The following MARCHF3 variants were observed in gnomAD, a reference collection of about 807,000 sequenced individuals.
MARCHF3 encodes membrane associated ring-CH-type finger 3, also known as E3 ubiquitin-protein ligase MARCHF3.
In MARCHF3, 13 loss-of-function variants were observed where a neutral mutation model predicts 24.2. The observed-to-expected ratio is 0.54, with a 90% CI of 0.35 to 0.85. The LOEUF is 0.85. Ranked by LOEUF, MARCHF3 falls within the 40% of genes least tolerant of loss-of-function variation. MARCHF3 has a pLI of 0.01. For synonymous variants in MARCHF3, 144 were observed against 137.3 expected (o/e 1.05, Z -0.34); for missense variants, 276 against 325.0 (o/e 0.85, Z 1.16).
chr5:126,889,706 C>T (rs554509207), intron 3 of MARCHF3, among the ~76,000 whole-genome samples: 79 of 152,268 alleles, frequency 5.2e-4, no homozygotes, highest in African/African-American at 1.7e-3. Flanking sequence ...CACATATTTA[C>T]GAGGGCCTGG....
chr5:126,920,945 G>A (rs1311204098), intron 1 of MARCHF3, among the ~76,000 whole-genome samples: 1 of 151,808 alleles, frequency 6.6e-6, no homozygotes, highest in Non-Finnish European at 1.5e-5. Flanking sequence ...AGTGGGTGCT[G>A]GGCACTGAGT....
chr5:127,000,960 C>T (rs528887785), intron 1 of MARCHF3, among the ~76,000 whole-genome samples: 1 of 152,248 alleles, frequency 6.6e-6, no homozygotes, highest in Non-Finnish European at 1.5e-5. Flanking sequence ...AATTCTAGGG[C>T]CAGGTGTGGT....
At chr5:126,896,400 G>A (rs781416392) in intron 3 of MARCHF3, among the ~76,000 whole-genome samples, 3 of 152,128 alleles carry the variant, frequency 2.0e-5, no homozygotes, top group Non-Finnish European at 2.9e-5. Context: ...ATCAGGGACT[G>A]GCATTTATAG....
At chr5:126,999,049 A>G (rs1357643750) in intron 1 of MARCHF3, among the ~76,000 whole-genome samples, 1 of 152,242 alleles carries the variant, frequency 6.6e-6, no homozygotes, top group Non-Finnish European at 1.5e-5. Context: ...TACTTTACAC[A>G]TAATTGCTTT....
intron 1 of MARCHF3, among the ~76,000 whole-genome samples, chr5:126,953,278 T>TC (rs1750317411): frequency 6.6e-6 from 1 of 152,198 alleles, no homozygotes; most frequent in African/African-American, 2.4e-5. Flanking sequence ...AAGACATGCT[T>TC]CCTATTGCTT....
At chr5:126,882,660 C>G (rs1753382042) in intron 3 of MARCHF3, among the ~76,000 whole-genome samples, 1 of 152,166 alleles carries the variant, frequency 6.6e-6, no homozygotes, top group Non-Finnish European at 1.5e-5. Context: ...GTTTGTGTGT[C>G]TGTCTTCCCA....
intron 1 of MARCHF3, among the ~76,000 whole-genome samples, chr5:126,981,196 T>C (rs1407679105): frequency 6.6e-6 from 1 of 152,210 alleles, no homozygotes; most frequent in Non-Finnish European, 1.5e-5. Flanking sequence ...AATGAATGAC[T>C]GCTTCCTAGG....
chr5:126,911,959 A>G (rs538281057), intron 3 of MARCHF3, among the ~76,000 whole-genome samples: 5 of 152,338 alleles, frequency 3.3e-5, no homozygotes, highest in African/African-American at 1.2e-4. Context: ...CTCTTTGCTC[A>G]CCCTCTTCCA....
chr5:126,983,236 G>GT (rs961396864), intron 1 of MARCHF3, among the ~76,000 whole-genome samples: 23 of 152,208 alleles, frequency 1.5e-4, no homozygotes, highest in Admixed American at 1.4e-3. Flanking sequence ...AATGCTGCCT[G>GT]TTTTTCAGTA....
rs62392906 is a variant in MARCHF3, at chr5:126,979,975, A to G, written c.-57+50375T>C. The stretch of plus-strand genomic sequence containing the variant: ...AAAAAAAAAAAAAAAAAAAAAAGAA[A>G]TGAAAGTGAAATCCTGTATACTAAT... On this transcript the variant is annotated intron_variant, in intron 1 of 4. Transcript: ENST00000308660. Among the ~76,000 whole-genome samples the G allele has an allele frequency of 8.6e-5, 13 of 151,568 alleles. 1 individual carries two copies. The South Asian group carries it at 2.7e-3, about 31-fold the overall frequency.
At chr5:126,928,743 A>C (rs577837140) in intron 1 of MARCHF3, among the ~76,000 whole-genome samples, 4 of 152,290 alleles carry the variant, frequency 2.6e-5, no homozygotes, top group African/African-American at 9.6e-5. Flanking sequence ...AATTATTTAC[A>C]CTATTACAGG....
chr5:126,917,431 G>A (rs1056869600), intron 2 of MARCHF3, among the ~76,000 whole-genome samples: 8 of 152,190 alleles, frequency 5.3e-5, no homozygotes, highest in African/African-American at 1.9e-4. Flanking sequence ...GAGTGTGCGT[G>A]AAGGGTCAGG....
At chr5:126,871,714 T>C (rs1168459558) in intron 4 of MARCHF3, among the ~76,000 whole-genome samples, 18 of 122,236 alleles carry the variant, frequency 1.5e-4, no homozygotes, top group Non-Finnish European at 2.5e-4. Context: ...CTCTCTCTCT[T>C]TTTTTTTTTT....
At chr5:126,894,660 G>A (rs1217366055) in intron 3 of MARCHF3, among the ~76,000 whole-genome samples, 2 of 152,070 alleles carry the variant, frequency 1.3e-5, no homozygotes, top group East Asian at 1.9e-4. Flanking sequence ...GAGATCCGCT[G>A]TTAGTCTGAT....
intron 3 of MARCHF3, among the ~76,000 whole-genome samples, chr5:126,890,299 T>G (rs183011537): frequency 2.0e-5 from 3 of 152,212 alleles, no homozygotes; most frequent in East Asian, 3.9e-4. Context: ...TCTTTTTTAT[T>G]ATTATACTTT....
chr5:126,886,704 C>T (rs1026524069), intron 3 of MARCHF3, among the ~76,000 whole-genome samples: 1 of 152,166 alleles, frequency 6.6e-6, no homozygotes, highest in African/African-American at 2.4e-5. Context: ...TCCATTTGTG[C>T]AGCAAACATG....
At chr5:127,019,854 T>C (rs1752739315) in intron 1 of MARCHF3, among the ~76,000 whole-genome samples, 2 of 152,238 alleles carry the variant, frequency 1.3e-5, no homozygotes, top group African/African-American at 2.4e-5. Context: ...ATTACTTCCA[T>C]GTGGACATTT....
intron 3 of MARCHF3, among the ~76,000 whole-genome samples, chr5:126,911,363 T>C (rs1260241760): frequency 6.6e-6 from 1 of 152,202 alleles, no homozygotes; most frequent in African/African-American, 2.4e-5. Context: ...CGACATGTGA[T>C]GTCTCCCCCA....
chr5:126,902,204 T>C (rs1378429410), intron 3 of MARCHF3, among the ~76,000 whole-genome samples: 5 of 152,140 alleles, frequency 3.3e-5, no homozygotes, highest in Non-Finnish European at 7.3e-5. Flanking sequence ...ACCACGGTTT[T>C]CTCCCTGGCC....
Sources: gnomAD v4.1 joint callset for allele counts (sites outside exome capture counted in the v4.1 genomes callset) on GRCh38, gnomAD v4.1.1 for gene constraint, MANE v1.5 for transcripts, NCBI Gene and HGNC (gene_info 2026-07-23, HGNC 2026-07-21) for gene names.